GABRR3: variants seen among roughly 807,000 people sequenced by gnomAD.
GABRR3 encodes the protein gamma-aminobutyric acid type A receptor subunit rho3.
GABRR3 carries 29 observed loss-of-function variants against 43.2 expected under a neutral mutation model. The observed-to-expected ratio is 0.67, with a 90% CI of 0.50 to 0.92. GABRR3 has a LOEUF of 0.92. Ranked by LOEUF, GABRR3 falls within the 40% of genes least tolerant of loss-of-function variation. GABRR3 has a pLI of 0.00. For missense variants in GABRR3, 576 were observed against 572.3 expected, an observed-to-expected ratio of 1.01 and a Z score of -0.07; for synonymous variants, 206 against 195.9, an observed-to-expected ratio of 1.05 and a Z score of -0.43.
rs777811241 is a variant in GABRR3 at position 98,034,999 on chromosome 3, C to T, written c.-2-10G>A. 6 of 1,608,050 alleles carry T rather than the reference C, an allele frequency of 3.7e-6. No homozygotes were observed. Among genetic ancestry groups the T allele is most frequent in the Non-Finnish European group, 5.1e-6 (6 of 1,177,012 alleles). On this transcript the variant is annotated splice_polypyrimidine_tract_variant and intron_variant, in intron 1 of 9. Coordinates refer to ENST00000621172, the Ensembl canonical transcript of GABRR3. ...AAAGCCAGGACCATCTCTTCCAAAA[C>T]AAAAAAACAGAAAGGATGCAGGTGA...
Position 97,986,905 on chromosome 3 carries a change from C to T in GABRR3, c.1182G>A (p.Met394Ile), listed in dbSNP as rs977934370. Residue 394 changes from methionine to isoleucine, a missense_variant, in exon 10 of 10, where the codon ATG becomes ATA. Transcript: ENST00000621172. The stretch of plus-strand genomic sequence containing the variant: ...AGTTTAGAGAGAGGGAAGTCTGGTC[C>T]ATGTCAATCTCGCTGTCATGGTAAC... 3.7e-6 allele frequency: 6 copies of T among 1,611,546 alleles called. No homozygotes were observed. Among genetic ancestry groups the T allele is most frequent in the African/African-American group, 1.3e-5 (1 of 74,872 alleles).
chr3:98,026,670 C>T (rs1039770349), intron 2 of GABRR3, among the ~76,000 whole-genome samples: 10 of 146,830 alleles, frequency 6.8e-5, no homozygotes, highest in African/African-American at 2.6e-4. Flanking sequence ...GGAGCAATAA[C>T]GCAAGACCCT....
intron 8 of GABRR3, among the ~76,000 whole-genome samples, chr3:97,993,352 A>C (rs1706496283): frequency 6.6e-6 from 1 of 152,202 alleles, no homozygotes; most frequent in African/African-American, 2.4e-5. Flanking sequence ...GGCCTCTTCT[A>C]AGCATGCCAG....
intron 3 of GABRR3, among the ~76,000 whole-genome samples, chr3:98,018,971 G>A (rs563309878): frequency 4.7e-4 from 72 of 152,072 alleles, no homozygotes; most frequent in Middle Eastern, 3.4e-3. Context: ...TTAGCCAGGC[G>A]TGATGGTGTG....
intron 4 of GABRR3, 53 bp downstream of exon 4, chr3:98,017,602 T>C: frequency 7.8e-7 from 1 of 1,277,628 alleles, no homozygotes; most frequent in Non-Finnish European, 1.1e-6. Context: ...ATTTTGACAC[T>C]GCCGAGTTTC....
At chr3:98,006,040 T>C (rs1474782452) in intron 7 of GABRR3, among the ~76,000 whole-genome samples, 6 of 152,072 alleles carry the variant, frequency 3.9e-5, no homozygotes, top group Non-Finnish European at 5.9e-5. Context: ...TAATTTAGGA[T>C]TAAGTAAGAA....
intron 2 of GABRR3, among the ~76,000 whole-genome samples, chr3:98,026,604 C>CATCATCATCATCATT (rs1328262549): frequency 9.8e-5 from 4 of 40,788 alleles, no homozygotes; most frequent in Non-Finnish European, 3.8e-4. Flanking sequence ...AGGTGGCTGT[C>CATCATCATCATCATT]ATCATCATCA....
At chr3:98,022,449 G>A (rs1225480406) in intron 3 of GABRR3, among the ~76,000 whole-genome samples, 1 of 152,178 alleles carries the variant, frequency 6.6e-6, no homozygotes, top group African/African-American at 2.4e-5. Context: ...TAGCTCAAGA[G>A]GGAAAAAGTA....
chr3:98,006,571 A>G (rs994802075), intron 7 of GABRR3, among the ~76,000 whole-genome samples: 66 of 152,252 alleles, frequency 4.3e-4, no homozygotes, highest in Admixed American at 4.6e-4. Flanking sequence ...AGAGTGGAGA[A>G]TCTTTGAGGA....
intron 8 of GABRR3, among the ~76,000 whole-genome samples, chr3:97,997,248 A>G (rs1706573254): frequency 6.7e-6 from 1 of 148,288 alleles, no homozygotes; most frequent in Admixed American, 6.9e-5. Context: ...AGATTTTGAC[A>G]GAGAAACACA....
intron 8 of GABRR3, among the ~76,000 whole-genome samples, chr3:97,996,790 A>G (rs1706566959): frequency 6.6e-6 from 1 of 152,224 alleles, no homozygotes; most frequent in Non-Finnish European, 1.5e-5. Flanking sequence ...GGTAGCTATT[A>G]TCTCTTATGA....
At chr3:97,992,373 C>T (rs1351250768) in intron 9 of GABRR3, among the ~76,000 whole-genome samples, 1 of 152,106 alleles carries the variant, frequency 6.6e-6, no homozygotes. Context: ...GCTGTGTGAC[C>T]TTGGCCAAAT....
At chr3:98,009,291 G>C (rs1706759527) in intron 5 of GABRR3, among the ~76,000 whole-genome samples, 1 of 152,166 alleles carries the variant, frequency 6.6e-6, no homozygotes, top group African/African-American at 2.4e-5. Flanking sequence ...ACCATTTCCT[G>C]ATCAGCCCCC....
intron 5 of GABRR3, among the ~76,000 whole-genome samples, chr3:98,011,680 G>A (rs929555786): frequency 2.0e-5 from 3 of 151,656 alleles, no homozygotes; most frequent in African/African-American, 7.3e-5. Context: ...ATATCTTTTG[G>A]GGTATCATTT....
intron 8 of GABRR3, among the ~76,000 whole-genome samples, chr3:97,994,517 G>A (rs74447251): frequency 0.027 from 4,113 of 152,228 alleles, 180 homozygotes; most frequent in African/African-American, 0.093. Context: ...TACTATCAAC[G>A]ATCTGCATAT....
At chr3:97,986,660 T>C (rs766063443), downstream of GABRR3, 15 of 1,429,406 alleles carry the variant, frequency 1.0e-5, no homozygotes, top group African/African-American at 1.4e-5. Flanking sequence ...GGCTTTAAAG[T>C]TGTATACATT....
intron 7 of GABRR3, among the ~76,000 whole-genome samples, chr3:98,004,598 G>A (rs534317507): frequency 2.8e-4 from 43 of 151,156 alleles, no homozygotes; most frequent in Non-Finnish European, 5.7e-4. Flanking sequence ...GGATCAGGAG[G>A]CAGAAGCCCT....
rs892961513 is a variant in GABRR3, at chr3:98,007,490, G to A, written c.754+274C>T. Among the ~76,000 whole-genome samples, 26 of 152,176 alleles carry A rather than the reference G, an allele frequency of 1.7e-4. 1 individual carries two copies. Among genetic ancestry groups the A allele is most frequent in the Non-Finnish European group, 2.1e-4 (14 of 68,038 alleles). On this transcript the variant is annotated intron_variant, in intron 7 of 9. Transcript: ENST00000621172. ...GGAAAGTTTAGAACAGGAAAGAATTGTGAACTTTATGTTCCAAAGAGATTA... is the reference window on the plus strand; with the variant it reads ...GGAAAGTTTAGAACAGGAAAGAATTATGAACTTTATGTTCCAAAGAGATTA...
chr3:98,028,191 A>G lies in GABRR3; in HGVS notation c.126-2512T>C, dbSNP rs530030627. On this transcript the variant is annotated intron_variant, in intron 2 of 9. Transcript: ENST00000621172. The stretch of plus-strand genomic sequence containing the variant: ...CTCCAATTATTCTATGTATCGGCAA[A>G]TGGGTATTACTCATTGCTGGAATAA... 5.3e-5 allele frequency among the ~76,000 whole-genome samples: 8 copies of G among 152,286 alleles called. No individual in the cohort carries two copies. The South Asian group carries it at 1.5e-3, about 28-fold the overall frequency.
Sources: gnomAD v4.1 joint callset for allele counts (sites outside exome capture counted in the v4.1 genomes callset) on GRCh38, gnomAD v4.1.1 for gene constraint, MANE v1.5 for transcripts, NCBI Gene and HGNC (gene_info 2026-07-23, HGNC 2026-07-21) for gene names.